The following MIA2 variants were observed in gnomAD, a reference collection of about 807,000 sequenced individuals.
The protein encoded by MIA2 is melanoma inhibitory activity protein 2.
In MIA2, 127 loss-of-function variants were observed where a neutral mutation model predicts 167.8. That is an observed-to-expected ratio of 0.76 (90% CI 0.66 to 0.88). The LOEUF (loss-of-function observed/expected upper bound fraction) is 0.88. Among genes scored for constraint, MIA2 ranks in the 40% least tolerant of loss-of-function variants. The pLI is 0.00. For missense variants in MIA2, 1,690 were observed against 1,624.7 expected, an observed-to-expected ratio of 1.04 and a Z score of -0.69; for synonymous variants, 552 against 541.9, an observed-to-expected ratio of 1.02 and a Z score of -0.26.
chr14:39,353,830 T>A (rs1288361900), downstream of MIA2, among the ~76,000 whole-genome samples: 4 of 152,196 alleles, frequency 2.6e-5, no homozygotes, highest in Non-Finnish European at 5.9e-5. Context: ...TTTTTTGTCC[T>A]TGCGATAGTT....
chr14:39,328,578 G>A (rs1039033379), intron 25 of MIA2, among the ~76,000 whole-genome samples: 4 of 152,052 alleles, frequency 2.6e-5, no homozygotes, highest in African/African-American at 9.7e-5. Flanking sequence ...AGGTTTTCTT[G>A]TAGGGTTTTT....
rs2060672967 is a variant in MIA2 at position 39,291,085 on chromosome 14, C to T, written c.2197C>T (p.Gln733Ter). Residue 733 changes from glutamine (Q) to a stop codon, truncating the protein, a stop_gained, in exon 10 of 29, where the codon CAA becomes TAA. Transcript: ENST00000640607. LOFTEE classifies it high-confidence loss of function. Reference protein sequence around the residue: ...ASFEKEATEAQSLEATCEKLN... With the variant: ...ASFEKEATEA ...CTTTGAGAAGGAGGCAACAGAAGCA[C>T]AAAGTTTGGAGGTAGAAAATCAAAT... The T allele has an allele frequency of 6.2e-7, 1 of 1,602,766 alleles. No homozygotes were observed. The highest frequency in any genetic ancestry group is 1.7e-5 in the Admixed American group (1 of 57,884).
In MIA2 at chr14:39,271,730, G is replaced by C. The variant is rs116853777; in HGVS notation, c.1888-5204G>C. Among the ~76,000 whole-genome samples the C allele has an allele frequency of 2.8e-4, 42 of 151,910 alleles. No homozygotes were observed. The East Asian group carries it at 7.2e-3, about 26-fold the overall frequency. ...AGATCATTTGAGCCCAGGACTTCAA[G>C]ACCAGCCCGGGCAACTTGGTGAAAC... is the stretch of plus-strand genomic sequence containing the variant. On this transcript the variant is annotated intron_variant, in intron 6 of 28. Coordinates refer to ENST00000640607, the MANE Select transcript of MIA2 (RefSeq NM_001329214.4).
intron 9 of MIA2, among the ~76,000 whole-genome samples, chr14:39,284,981 G>T (rs1426349507): frequency 1.3e-5 from 2 of 152,124 alleles, no homozygotes; most frequent in African/African-American, 4.8e-5. Flanking sequence ...TCAAGCATCT[G>T]TTTAGCAAAG....
At chr14:39,365,750 A>C (rs1358719153) in intron 23 of MIA2, among the ~76,000 whole-genome samples, 2 of 151,510 alleles carry the variant, frequency 1.3e-5, no homozygotes. Flanking sequence ...TGTATTGTTC[A>C]TCTGTGTTCT....
At chr14:39,346,711 T>C (rs143160079) in intron 26 of MIA2, among the ~76,000 whole-genome samples, 11 of 149,012 alleles carry the variant, frequency 7.4e-5, no homozygotes, top group Admixed American at 1.3e-4. Context: ...TTTAAAAATA[T>C]TGATTTTCTG....
intron 1 of MIA2, among the ~76,000 whole-genome samples, chr14:39,236,374 T>G (rs981526004): frequency 1.3e-5 from 2 of 151,996 alleles, no homozygotes; most frequent in African/African-American, 4.8e-5. Context: ...AGGAAGAGGA[T>G]TTTGCAGTGA....
intron 23 of MIA2, among the ~76,000 whole-genome samples, chr14:39,377,788 G>GA (rs2075072915): frequency 6.6e-6 from 1 of 151,596 alleles, no homozygotes; most frequent in Non-Finnish European, 1.5e-5. Flanking sequence ...GGCTTTGCTG[G>GA]AAACTTTTTT....
chr14:39,273,713 T>A lies in MIA2; in HGVS notation c.1888-3221T>A, dbSNP rs528862522. On this transcript the variant is annotated intron_variant, in intron 6 of 28. Coordinates refer to ENST00000640607, the MANE Select transcript of MIA2 (RefSeq NM_001329214.4). ...GTCATGGTACATAATCCTTTTTATA[T>A]GTTGCTGGATTTGGTTTGTCAATAT... Among the ~76,000 whole-genome samples, 7 of 152,336 alleles carry A rather than the reference T, an allele frequency of 4.6e-5. No homozygotes were observed. In the South Asian group the frequency reaches 8.3e-4, roughly 18 times the overall value.
Position 39,240,593 on chromosome 14 carries a change from T to C in MIA2, c.282T>C (p.Asp94=). ...KGKEFGYFPR[D]AVQIEEVFIS... ...AGGAGTTTGGATATTTTCCCAGAGA[T>C]GCAGTCCAGATTGAAGAGGTGTTCA... The change falls in exon 3 of 29, where the codon GAT becomes GAC. Residue 94 remains aspartate (D), a synonymous_variant. Transcript: ENST00000640607. 1 of 1,613,382 alleles carries C rather than the reference T, an allele frequency of 6.2e-7. No homozygotes were observed.
intron 12 of MIA2, 98 bp downstream of exon 12, chr14:39,294,169 T>G: frequency 1.2e-6 from 1 of 809,580 alleles, no homozygotes; most frequent in Non-Finnish European, 2.0e-6. Context: ...GGATTTGAGA[T>G]ATAGGGGATC....
At chr14:39,299,443 G>T (rs2062050961) in intron 13 of MIA2, among the ~76,000 whole-genome samples, 1 of 151,394 alleles carries the variant, frequency 6.6e-6, no homozygotes, top group Admixed American at 6.6e-5. Flanking sequence ...GAGTAGCTGG[G>T]ACTACAGGCG....
At chr14:39,308,373 A>C in intron 17 of MIA2, 76 bp from the exon 18 acceptor site, 1 of 917,162 alleles carries the variant, frequency 1.1e-6, no homozygotes, top group Non-Finnish European at 1.5e-6. Context: ...ATTTTTAGTA[A>C]TTTTTATCTT....
intron 25 of MIA2, among the ~76,000 whole-genome samples, chr14:39,335,734 T>G (rs1168818984): frequency 2.0e-5 from 3 of 152,134 alleles, no homozygotes; most frequent in South Asian, 2.1e-4. Context: ...GTACCCACAG[T>G]TTTTCAGCCC....
intron 22 of MIA2, 81 bp from the exon 23 acceptor site, chr14:39,319,128 G>A: frequency 1.5e-6 from 1 of 652,296 alleles, no homozygotes; most frequent in Non-Finnish European, 2.6e-6. Context: ...GTGAAGAGCA[G>A]CTTGTAGTTG....
chr14:39,280,828 C>T (rs150842035), intron 9 of MIA2, among the ~76,000 whole-genome samples: 273 of 150,604 alleles, frequency 1.8e-3, no homozygotes, highest in African/African-American at 6.0e-3. Context: ...TATGATTTGT[C>T]TAGGTGTGGT....
rs755280169 is a variant in MIA2 at position 39,346,003 on chromosome 14, A to T, written c.3755A>T (p.Asn1252Ile). ...GGACCAGCAGAACTCAGAAGTTTTAATATGCCTTCTTTGGATAAAATGGGT... is the reference window on the plus strand; with the variant it reads ...GGACCAGCAGAACTCAGAAGTTTTATTATGCCTTCTTTGGATAAAATGGGT... ...LSGPAELRSF[N>I]MPSLDKMDGS... Residue 1252 changes from asparagine to isoleucine, a missense_variant, in exon 26 of 29, where the codon AAT becomes ATT. Coordinates refer to ENST00000640607, the MANE Select transcript of MIA2 (RefSeq NM_001329214.4). 6.2e-7 allele frequency: 1 copy of T among 1,612,826 alleles called. No individual in the cohort carries two copies. Among genetic ancestry groups the T allele is most frequent in the South Asian group, 1.1e-5 (1 of 90,998 alleles).
intron 6 of MIA2, among the ~76,000 whole-genome samples, chr14:39,272,089 C>T (rs930701278): frequency 1.3e-5 from 2 of 152,150 alleles, no homozygotes; most frequent in Non-Finnish European, 2.9e-5. Flanking sequence ...TGCGGTGGCT[C>T]ATGCCTGTAA....
chr14:39,331,216 C>G (rs1049137493), intron 25 of MIA2, among the ~76,000 whole-genome samples: 3 of 152,016 alleles, frequency 2.0e-5, no homozygotes, highest in Non-Finnish European at 4.4e-5. Flanking sequence ...ATGTAATGCC[C>G]TTCTTTGACT....
Sources: allele counts gnomAD v4.1 joint callset (sites outside exome capture counted in the v4.1 genomes callset), GRCh38; gene constraint gnomAD v4.1.1; transcripts MANE v1.5; gene names NCBI Gene and HGNC (gene_info 2026-07-23, HGNC 2026-07-21).